The following RCOR1 variants were observed in gnomAD, a reference collection of about 807,000 sequenced individuals.
RCOR1 encodes REST corepressor 1.
Under a neutral mutation model 64.0 loss-of-function variants are expected in RCOR1, and 12 were observed. The observed-to-expected ratio is 0.19, with a 90% confidence interval of 0.12 to 0.30. The LOEUF is 0.30. RCOR1 is among the 10% of genes least tolerant of loss of function. RCOR1 has a pLI of 1.00. For missense variants in RCOR1, 502 were observed against 621.2 expected, an observed-to-expected ratio of 0.81 and a Z score of 2.04; for synonymous variants, 279 against 227.2, an observed-to-expected ratio of 1.23 and a Z score of -2.05.
intron 3 of RCOR1, among the ~76,000 whole-genome samples, chr14:102,698,069 G>A (rs537853265): frequency 7.9e-5 from 12 of 152,304 alleles, no homozygotes; most frequent in South Asian, 4.1e-4. Context: ...ACCTTAGTAA[G>A]AATACCTTAT....
chr14:102,597,627 C>CTTT (rs1893286993), intron 2 of RCOR1, among the ~76,000 whole-genome samples: 1 of 106,118 alleles, frequency 9.4e-6, no homozygotes, highest in Non-Finnish European at 1.9e-5. Flanking sequence ...CTGCGCCCGA[C>CTTT]CTTTTTTTTT....
intron 2 of RCOR1, among the ~76,000 whole-genome samples, chr14:102,667,048 T>C (rs7142819): frequency 0.37 from 56,786 of 151,902 alleles, 11,698 homozygotes; most frequent in African/African-American, 0.55. Context: ...CAGAATTATG[T>C]TCCAGGGCCA....
intron 7 of RCOR1, 68 bp from the exon 8 acceptor site, chr14:102,714,355 T>C (rs1896021027): frequency 9.7e-7 from 1 of 1,027,510 alleles, no homozygotes; most frequent in Non-Finnish European, 1.4e-6. Flanking sequence ...GTTAAGGAAA[T>C]AAATATGTTT....
intron 2 of RCOR1, among the ~76,000 whole-genome samples, chr14:102,677,610 G>A (rs1214676196): frequency 3.9e-4 from 45 of 115,062 alleles, no homozygotes; most frequent in East Asian, 1.1e-3. Flanking sequence ...ATGGGCGGCC[G>A]GGCAGAGACG....
intron 3 of RCOR1, among the ~76,000 whole-genome samples, chr14:102,682,330 A>G (rs1895322627): frequency 6.6e-6 from 1 of 152,202 alleles, no homozygotes; most frequent in Middle Eastern, 3.4e-3. Flanking sequence ...GGGTTTTGCC[A>G]TGTTGGCCAG....
chr14:102,595,463 C>T (rs912408152), intron 2 of RCOR1, among the ~76,000 whole-genome samples: 1 of 152,128 alleles, frequency 6.6e-6, no homozygotes, highest in Admixed American at 6.6e-5. Flanking sequence ...CCATTGCACT[C>T]CAGCCTGGGT....
At chr14:102,617,987 T>G (rs77581484) in intron 2 of RCOR1, among the ~76,000 whole-genome samples, 4 of 150,368 alleles carry the variant, frequency 2.7e-5, no homozygotes, top group Non-Finnish European at 5.9e-5. Flanking sequence ...TTTTTTTTTT[T>G]TGTGAGACAG....
In RCOR1 at chr14:102,638,758, C is replaced by G. The variant is rs150306496; in HGVS notation, c.362-43137C>G. On this transcript the variant is annotated intron_variant, in intron 2 of 11. Coordinates refer to ENST00000262241, the MANE Select transcript of RCOR1 (RefSeq NM_015156.4). The stretch of plus-strand genomic sequence containing the variant: ...TCTTGGCTTACTGCAACCTCTGCCT[C>G]CCTGGTTCAAGCAATTCTGCTGTCT... Among the ~76,000 whole-genome samples the G allele has an allele frequency of 6.0e-3, 912 of 152,152 alleles. 9 individuals carry two copies. The highest frequency in any genetic ancestry group is 0.021 in the African/African-American group (879 of 41,496).
chr14:102,711,596 A>C (rs1002860819), intron 7 of RCOR1, among the ~76,000 whole-genome samples: 1 of 152,180 alleles, frequency 6.6e-6, no homozygotes, highest in Non-Finnish European at 1.5e-5. Context: ...CTACAATTGC[A>C]TGTAACTTTT....
chr14:102,657,839 A>G, intron 2 of RCOR1: 4 of 87,938 alleles, frequency 4.5e-5, no homozygotes, highest in Non-Finnish European at 5.5e-5. Flanking sequence ...CTCCGTCTCA[A>G]AAAAAAAAAA....
chr14:102,676,342 GA>G (rs1895153192), intron 2 of RCOR1, among the ~76,000 whole-genome samples: 1 of 140,016 alleles, frequency 7.1e-6, no homozygotes, highest in Non-Finnish European at 1.5e-5. Context: ...GCGGGGGGCT[GA>G]CCCCCCCACC....
chr14:102,726,350 C>G, intron 11 of RCOR1, 118 bp from the exon 12 acceptor site: 4 of 802,272 alleles, frequency 5.0e-6, no homozygotes, highest in South Asian at 1.6e-5. Flanking sequence ...AAAAAGAACT[C>G]GGTGTTTGCT....
chr14:102,700,133 A>G (rs189490904), intron 3 of RCOR1, among the ~76,000 whole-genome samples: 3 of 152,310 alleles, frequency 2.0e-5, no homozygotes, highest in African/African-American at 2.4e-5. Context: ...GCCCAATTTC[A>G]TATTTCTTTT....
intron 2 of RCOR1, among the ~76,000 whole-genome samples, chr14:102,643,981 C>T (rs1894426920): frequency 6.6e-6 from 1 of 152,154 alleles, no homozygotes. Context: ...TTACTATTGT[C>T]TTTAAACAAC....
intron 2 of RCOR1, among the ~76,000 whole-genome samples, chr14:102,599,893 T>G (rs12880186): frequency 6.7e-6 from 1 of 149,628 alleles, no homozygotes; most frequent in African/African-American, 2.5e-5. Flanking sequence ...AACCTCTGCC[T>G]CCCAGACTCA....
Position 102,722,140 on chromosome 14 carries a change from A to G in RCOR1, c.1190-47A>G, listed in dbSNP as rs757184030. 8.1e-6 allele frequency: 12 copies of G among 1,479,254 alleles called. No individual in the cohort carries two copies. In the African/African-American group the frequency reaches 8.4e-5, roughly 10 times the overall value. The allele number at this position is 1,479,254 out of a possible 1,614,324, so 91.6% of individuals were successfully genotyped here. A position where few individuals can be genotyped will look rare whatever the true frequency, so the allele number is the denominator to read the frequency against. On this transcript the variant is annotated intron_variant, in intron 10 of 11. Coordinates refer to ENST00000262241, the MANE Select transcript of RCOR1 (RefSeq NM_015156.4). Reference sequence around the variant, plus strand: ...GTAAGTGTCACTTGTGGTTTTAAAAAAATGTTTTTCTCTTGTATTTTAAAA... The same window carrying G: ...GTAAGTGTCACTTGTGGTTTTAAAAGAATGTTTTTCTCTTGTATTTTAAAA...
chr14:102,652,702 C>A (rs764992525), intron 2 of RCOR1, among the ~76,000 whole-genome samples: 79 of 152,206 alleles, frequency 5.2e-4, no homozygotes, highest in Middle Eastern at 3.4e-3. Flanking sequence ...AGCCTCCCAG[C>A]TGACTTTTTC....
At chr14:102,682,413 AGCCACTGC>A (rs1329824537) in intron 3 of RCOR1, among the ~76,000 whole-genome samples, 3 of 152,218 alleles carry the variant, frequency 2.0e-5, no homozygotes, top group South Asian at 4.1e-4. Context: ...TACAGGTGTG[AGCCACTGC>A]GCCCTGTGAT....
intron 2 of RCOR1, among the ~76,000 whole-genome samples, chr14:102,668,385 G>A (rs1190699073): frequency 6.6e-6 from 1 of 152,208 alleles, no homozygotes; most frequent in Non-Finnish European, 1.5e-5. Context: ...ACTACTTCAG[G>A]TCAGGTAAGC....
Sources: gnomAD v4.1 joint callset for allele counts (sites outside exome capture counted in the v4.1 genomes callset) on GRCh38, gnomAD v4.1.1 for gene constraint, MANE v1.5 for transcripts, NCBI Gene and HGNC (gene_info 2026-07-23, HGNC 2026-07-21) for gene names.